The following ANK2 variants were observed in gnomAD, a reference collection of about 807,000 sequenced individuals.
ANK2 encodes the protein ankyrin 2.
In ANK2, 83 loss-of-function variants were observed where a neutral mutation model predicts 360.5. The ratio of observed to expected loss-of-function variants is 0.23; its 90% CI spans 0.19 to 0.28. The LOEUF (loss-of-function observed/expected upper bound fraction) is 0.28. Among genes scored for constraint, ANK2 ranks in the 10% least tolerant of loss-of-function variants. ANK2 has a pLI of 1.00. For missense variants in ANK2, 4,201 were observed against 4,795.7 expected, an observed-to-expected ratio of 0.88 and a Z score of 3.66; for synonymous variants, 1,740 against 1,759.5, an observed-to-expected ratio of 0.99 and a Z score of 0.28.
At chr4:112,775,515 T>TTACACACACACACA in the ANK2 span, among the ~76,000 whole-genome samples, 1 of 118,066 alleles carries the variant, frequency 8.5e-6, no homozygotes, top group African/African-American at 3.2e-5. Flanking sequence ...CTAAGCTCCA[T>TTACACACACACACA]CACACACACA....
chr4:113,032,995 A>G (rs1421417360), intron 2 of ANK2, among the ~76,000 whole-genome samples: 2 of 152,082 alleles, frequency 1.3e-5, no homozygotes, highest in Non-Finnish European at 2.9e-5. Flanking sequence ...TATCAGGAAA[A>G]GCATGTGCGT....
At chr4:113,163,693 G>A (rs2097637169) in intron 1 of ANK2, among the ~76,000 whole-genome samples, 1 of 149,086 alleles carries the variant, frequency 6.7e-6, no homozygotes, top group Non-Finnish European at 1.5e-5. Flanking sequence ...GAACCTGGGA[G>A]GCGGAGGTTG....
intron 21 of ANK2, 111 bp from the exon 22 acceptor site, chr4:113,293,329 C>T: frequency 4.3e-6 from 4 of 935,614 alleles, no homozygotes; most frequent in Non-Finnish European, 5.1e-6. Context: ...CTAAGCTGTG[C>T]CTTGTTTTGG....
intron 37 of ANK2, among the ~76,000 whole-genome samples, chr4:113,351,616 T>G (rs2095420086): frequency 6.6e-6 from 1 of 152,164 alleles, no homozygotes; most frequent in African/African-American, 2.4e-5. Flanking sequence ...TCCCACTTTC[T>G]TCTTCAGAAC....
At chr4:112,765,882 C>T in the ANK2 span, among the ~76,000 whole-genome samples, 1 of 152,024 alleles carries the variant, frequency 6.6e-6, no homozygotes, top group Non-Finnish European at 1.5e-5. Context: ...ATATATTGAC[C>T]AGAGGCCACA....
At chr4:113,156,376 T>TTTTTTTTTTG (rs1277048467) in intron 1 of ANK2, among the ~76,000 whole-genome samples, 1 of 145,966 alleles carries the variant, frequency 6.9e-6, no homozygotes, top group South Asian at 2.1e-4. Flanking sequence ...AAATTCTTTT[T>TTTTTTTTTTG]TTTTTGTTTT....
At chr4:112,893,576 T>C (rs1169877594) in intron 1 of ANK2, among the ~76,000 whole-genome samples, 1 of 152,206 alleles carries the variant, frequency 6.6e-6, no homozygotes, top group Non-Finnish European at 1.5e-5. Flanking sequence ...GGACACACTG[T>C]CATAATAATG....
intron 1 of ANK2, among the ~76,000 whole-genome samples, chr4:112,826,075 C>G (rs993387522): frequency 6.6e-6 from 1 of 152,188 alleles, no homozygotes; most frequent in African/African-American, 2.4e-5. Context: ...TTTGGGGTAG[C>G]AGGTCCTGAA....
intron 1 of ANK2, among the ~76,000 whole-genome samples, chr4:112,875,419 C>G (rs2074738723): frequency 6.6e-6 from 1 of 152,086 alleles, no homozygotes; most frequent in Non-Finnish European, 1.5e-5. Context: ...TTCAAGTGAT[C>G]CTCCTGGCTT....
chr4:112,929,607 G>T (rs1581341958), intron 2 of ANK2, among the ~76,000 whole-genome samples: 2 of 152,180 alleles, frequency 1.3e-5, no homozygotes, highest in South Asian at 4.1e-4. Flanking sequence ...AGCTGGCCAG[G>T]CTTAGTTTTT....
intron 4 of ANK2, among the ~76,000 whole-genome samples, chr4:113,201,782 G>A (rs114970796): frequency 0.025 from 3,755 of 152,208 alleles, 76 homozygotes; most frequent in Non-Finnish European, 0.038. Context: ...GGCTTCTCAC[G>A]GAGAACAAGC....
intron 15 of ANK2, among the ~76,000 whole-genome samples, chr4:113,274,862 A>T (rs2059669917): frequency 6.6e-6 from 1 of 152,244 alleles, no homozygotes; most frequent in South Asian, 2.1e-4. Flanking sequence ...ATTCTAATTA[A>T]TGCCAATGTT....
chr4:113,093,912 G>A lies in ANK2; in HGVS notation c.84+44100G>A, dbSNP rs115138813. ...AAAATATCAACTCTATGATAACCAA[G>A]AACTTTGAGTTAGGAGCTCATTGTA... On this transcript the variant is annotated intron_variant, in intron 1 of 45. Coordinates refer to ENST00000357077, the MANE Select transcript of ANK2 (RefSeq NM_001148.6). Among the ~76,000 whole-genome samples the A allele has an allele frequency of 6.5e-3, 989 of 152,268 alleles. 5 individuals are homozygous for A. The highest frequency in any genetic ancestry group is 0.012 in the Admixed American group (187 of 15,294).
chr4:113,151,186 A>T, intron 1 of ANK2: 1 of 1,223,672 alleles, frequency 8.2e-7, no homozygotes, highest in South Asian at 1.3e-5. Context: ...AGAAGTTTTA[A>T]TTATAACCTT....
At chr4:113,345,510 A>G (rs1049078126) in intron 34 of ANK2, among the ~76,000 whole-genome samples, 2 of 152,214 alleles carry the variant, frequency 1.3e-5, no homozygotes, top group African/African-American at 4.8e-5. Flanking sequence ...GCATTAAACT[A>G]TAGTTAATTG....
At chr4:113,120,859 TA>T (rs1280813188) in intron 1 of ANK2, among the ~76,000 whole-genome samples, 1 of 152,168 alleles carries the variant, frequency 6.6e-6, no homozygotes, top group Non-Finnish European at 1.5e-5. Flanking sequence ...ACATAAAGTA[TA>T]TATTTAAATA....
At chr4:112,872,831 A>G (rs979538711) in intron 1 of ANK2, among the ~76,000 whole-genome samples, 1 of 152,108 alleles carries the variant, frequency 6.6e-6, no homozygotes, top group African/African-American at 2.4e-5. Flanking sequence ...CAGTGAAGCC[A>G]TCTGGTCATG....
intron 29 of ANK2, among the ~76,000 whole-genome samples, 172 bp from the exon 30 acceptor site, chr4:113,335,674 G>A (rs1327814893): frequency 2.0e-5 from 3 of 152,112 alleles, no homozygotes; most frequent in African/African-American, 7.2e-5. Context: ...GCAATTTTTT[G>A]TTTTCTGGTG....
intron 20 of ANK2, 46 bp from the exon 21 acceptor site, chr4:113,292,369 TC>T (rs1438648850): frequency 4.6e-6 from 7 of 1,513,262 alleles, no homozygotes; most frequent in Non-Finnish European, 6.3e-6. Context: ...AATTTTCCTC[TC>T]CCTCTGCCAA....
Sources: allele counts gnomAD v4.1 joint callset (sites outside exome capture counted in the v4.1 genomes callset), GRCh38; gene constraint gnomAD v4.1.1; transcripts MANE v1.5; gene names NCBI Gene and HGNC (gene_info 2026-07-23, HGNC 2026-07-21).